SPACA7: variants seen among roughly 807,000 people sequenced by gnomAD.
SPACA7 encodes the protein sperm acrosome-associated protein 7.
A neutral mutation model predicts 26.3 loss-of-function variants in SPACA7; 19 were observed. The ratio of observed to expected loss-of-function variants is 0.72; its 90% CI spans 0.50 to 1.06. The LOEUF (loss-of-function observed/expected upper bound fraction) is 1.06. Among genes scored for constraint, SPACA7 ranks in the 50% least tolerant of loss-of-function variants. SPACA7 has a pLI of 0.00. For missense variants in SPACA7, 211 were observed against 229.9 expected (o/e 0.92, Z 0.53); for synonymous variants, 84 against 84.5 (o/e 0.99, Z 0.04).
intron 5 of SPACA7, among the ~76,000 whole-genome samples, chr13:112,410,540 CT>C (rs1211251057): frequency 2.0e-5 from 3 of 151,926 alleles, no homozygotes; most frequent in Admixed American, 6.6e-5. Context: ...AGTGATGACC[CT>C]TGCAGATATT....
chr13:112,400,970 C>A, intron 4 of SPACA7, 99 bp from the exon 5 acceptor site: 2 of 817,346 alleles, frequency 2.4e-6, no homozygotes, highest in Non-Finnish European at 4.0e-6. Context: ...ATGATATTAG[C>A]ATCTCAACTT....
chr13:112,400,855 A>G (rs545765056), intron 4 of SPACA7, among the ~76,000 whole-genome samples: 3 of 152,350 alleles, frequency 2.0e-5, no homozygotes, highest in Admixed American at 6.5e-5. Flanking sequence ...TGTTGGGTCA[A>G]AGGACGTGTG....
chr13:112,431,272 G>A (rs970933285), intron 5 of SPACA7, among the ~76,000 whole-genome samples: 5 of 152,272 alleles, frequency 3.3e-5, no homozygotes, highest in Admixed American at 1.3e-4. Flanking sequence ...AATGTAAAAC[G>A]GATTAAGAGG....
chr13:112,386,904 CTT>C (rs1379073703), intron 1 of SPACA7, among the ~76,000 whole-genome samples: 1 of 152,086 alleles, frequency 6.6e-6, no homozygotes, highest in Admixed American at 6.5e-5. Context: ...AAGTTTCTTT[CTT>C]TACAAGATTT....
intron 5 of SPACA7, among the ~76,000 whole-genome samples, chr13:112,410,823 G>T (rs2139002040): frequency 6.6e-6 from 1 of 152,246 alleles, no homozygotes; most frequent in Admixed American, 6.5e-5. Context: ...ATAACTGAAA[G>T]CAGGGTTTTG....
rs76614542 is a variant in SPACA7 at position 112,390,875 on chromosome 13, C to T, written c.95-2146C>T. The stretch of plus-strand genomic sequence containing the variant: ...AAATCCAAACCATATCAGCCTCTGA[C>T]ATCCAAAGGTGAAGCAGAAGACAGG... On this transcript the variant is annotated intron_variant, in intron 1 of 6. Transcript: ENST00000283550. Among the ~76,000 whole-genome samples, 505 of 152,324 alleles carry T rather than the reference C, an allele frequency of 3.3e-3. 1 individual carries two copies. The highest frequency in any genetic ancestry group is 0.012 in the African/African-American group (480 of 41,580).
intron 1 of SPACA7, among the ~76,000 whole-genome samples, chr13:112,382,119 C>G (rs1884111676): frequency 6.6e-6 from 1 of 152,192 alleles, no homozygotes; most frequent in African/African-American, 2.4e-5. Context: ...CAGGAGTAAA[C>G]AAGGACAGAT....
chr13:112,387,904 G>A (rs1318720555), intron 1 of SPACA7, among the ~76,000 whole-genome samples: 1 of 152,112 alleles, frequency 6.6e-6, no homozygotes, highest in African/African-American at 2.4e-5. Flanking sequence ...TGTCAACCTG[G>A]CAAAGCTCAA....
At chr13:112,406,301 A>G (rs1201734949) in intron 5 of SPACA7, among the ~76,000 whole-genome samples, 3 of 152,114 alleles carry the variant, frequency 2.0e-5, no homozygotes, top group Non-Finnish European at 1.5e-5. Flanking sequence ...TTCTGTTTCT[A>G]TGAATTTGAC....
rs534952716 is a variant in SPACA7 at position 112,434,652 on chromosome 13, A to C, written c.*103A>C. The C allele has an allele frequency of 1.1e-6, 1 of 908,138 alleles. No individual in the cohort carries two copies. Among genetic ancestry groups the C allele is most frequent in the Admixed American group, 2.3e-5 (1 of 44,262 alleles). 56.3% of individuals were successfully genotyped at this position (908,138 alleles called of 1,614,324 possible). A position where few individuals can be genotyped will look rare whatever the true frequency, so the allele number is the denominator to read the frequency against. On this transcript the variant is annotated 3_prime_UTR_variant, in exon 7 of 7. Transcript: ENST00000283550. ...TGTGTGCACACGCCCACGTTCTCTG[A>C]ACCATTCCACATAAAGGAAAATCGT...
chr13:112,413,592 C>T (rs1008208456), intron 5 of SPACA7, among the ~76,000 whole-genome samples: 3 of 152,084 alleles, frequency 2.0e-5, no homozygotes, highest in African/African-American at 7.2e-5. Flanking sequence ...TCCTGGTGAT[C>T]TTTGATCTTC....
intron 5 of SPACA7, among the ~76,000 whole-genome samples, chr13:112,408,927 A>G (rs1219235935): frequency 2.6e-5 from 4 of 152,224 alleles, no homozygotes; most frequent in African/African-American, 4.8e-5. Flanking sequence ...AGCCAAAAAA[A>G]CAAAGCTGGA....
At chr13:112,378,146 A>T (rs1221516931) in intron 1 of SPACA7, among the ~76,000 whole-genome samples, 1 of 152,118 alleles carries the variant, frequency 6.6e-6, no homozygotes, top group African/African-American at 2.4e-5. Flanking sequence ...TTTAGTTCTC[A>T]CTAACACCCA....
intron 1 of SPACA7, among the ~76,000 whole-genome samples, chr13:112,381,459 C>T (rs532406773): frequency 1.1e-3 from 166 of 150,258 alleles, no homozygotes; most frequent in Non-Finnish European, 2.1e-3. Flanking sequence ...CACCCCTGCA[C>T]TCCAGCCTGG....
chr13:112,419,496 CT>C (rs1886887387), intron 5 of SPACA7, among the ~76,000 whole-genome samples: 1 of 152,174 alleles, frequency 6.6e-6, no homozygotes, highest in Non-Finnish European at 1.5e-5. Flanking sequence ...ATAAAAGCCT[CT>C]TGCGGAGGGG....
intron 1 of SPACA7, among the ~76,000 whole-genome samples, chr13:112,387,689 T>C (rs1884616686): frequency 6.6e-6 from 1 of 152,212 alleles, no homozygotes; most frequent in East Asian, 1.9e-4. Flanking sequence ...TGGTTTCTGA[T>C]GACCCTGCTC....
In SPACA7 at chr13:112,397,801, CA is replaced by C. The variant is rs1885375433; in HGVS notation, c.152-246del. On this transcript the variant is annotated intron_variant, in intron 2 of 6. Coordinates refer to ENST00000283550, the MANE Select transcript of SPACA7 (RefSeq NM_145248.5). ...CGTCCAGCCTTGTACCTTTGGGGGG[CA>C]ATGTTCAGTGTCCAAAATGTCCAAA... Among the ~76,000 whole-genome samples the C allele has an allele frequency of 2.0e-5, 3 of 152,304 alleles. No individual in the cohort carries two copies. In the East Asian group the frequency reaches 5.8e-4, roughly 29 times the overall value.
chr13:112,417,551 G>A (rs1886768989), intron 5 of SPACA7, among the ~76,000 whole-genome samples: 1 of 152,008 alleles, frequency 6.6e-6, no homozygotes, highest in South Asian at 2.1e-4. Flanking sequence ...TTTGTCCTTT[G>A]TCATTCAATT....
At chr13:112,381,612 T>C (rs566773526) in intron 1 of SPACA7, among the ~76,000 whole-genome samples, 3 of 152,244 alleles carry the variant, frequency 2.0e-5, no homozygotes, top group African/African-American at 7.2e-5. Context: ...AAAGAGTAAT[T>C]CACGCAGAGC....
Sources: allele counts gnomAD v4.1 joint callset (sites outside exome capture counted in the v4.1 genomes callset), GRCh38; gene constraint gnomAD v4.1.1; transcripts MANE v1.5; gene names NCBI Gene and HGNC (gene_info 2026-07-23, HGNC 2026-07-21).